PCDH15: variants seen among roughly 807,000 people sequenced by gnomAD.
The protein encoded by PCDH15 is protocadherin-15.
In PCDH15, 129 loss-of-function variants were observed where a neutral mutation model predicts 178.5. That is an observed-to-expected ratio of 0.72 (90% CI 0.63 to 0.84). The LOEUF is 0.84. PCDH15 is among the 40% of genes least tolerant of loss of function. PCDH15 has a pLI of 0.00. For missense variants in PCDH15, 2,230 were observed against 2,099.9 expected, an observed-to-expected ratio of 1.06 and a Z score of -1.21; for synonymous variants, 800 against 732.0, an observed-to-expected ratio of 1.09 and a Z score of -1.50.
chr10:55,440,955 C>A (rs1197708971), intron 2 of PCDH15, among the ~76,000 whole-genome samples: 1 of 152,122 alleles, frequency 6.6e-6, no homozygotes, highest in African/African-American at 2.4e-5. Flanking sequence ...ACCATGAGAA[C>A]AGTATAGGGC....
At chr10:54,981,012 T>C in intron 2 of PCDH15, among the ~76,000 whole-genome samples, 1 of 151,918 alleles carries the variant, frequency 6.6e-6, no homozygotes, top group East Asian at 1.9e-4. Context: ...CACTTTGAAA[T>C]GTGTTTCCAT....
chr10:54,444,492 T>A (rs1485227689), intron 3 of PCDH15, among the ~76,000 whole-genome samples: 2 of 151,732 alleles, frequency 1.3e-5, no homozygotes, highest in African/African-American at 2.4e-5. Flanking sequence ...CCATTATACA[T>A]TCCTTCAAAT....
At chr10:55,520,154 G>A (rs1476305679) in intron 2 of PCDH15, among the ~76,000 whole-genome samples, 6 of 77,974 alleles carry the variant, frequency 7.7e-5, no homozygotes, top group Non-Finnish European at 9.9e-5. Context: ...ATATATACAC[G>A]CAATGTGTAT....
At chr10:54,446,046 GT>G (rs1162930963) in intron 3 of PCDH15, among the ~76,000 whole-genome samples, 1 of 151,448 alleles carries the variant, frequency 6.6e-6, no homozygotes, top group Non-Finnish European at 1.5e-5. Flanking sequence ...CCATGACAAA[GT>G]AAAGGGCAGA....
intron 2 of PCDH15, among the ~76,000 whole-genome samples, chr10:55,489,638 G>A (rs1203613261): frequency 6.6e-6 from 1 of 151,546 alleles, no homozygotes; most frequent in Admixed American, 6.6e-5. Flanking sequence ...AGTTAACATC[G>A]AGTATTGCTG....
intron 2 of PCDH15, among the ~76,000 whole-genome samples, chr10:55,131,464 C>A (rs368329883): frequency 6.6e-6 from 1 of 152,148 alleles, no homozygotes; most frequent in African/African-American, 2.4e-5. Context: ...TGGTGAGTGG[C>A]GGTGGAGGTA....
At chr10:55,418,010 T>G (rs1419820033) in intron 2 of PCDH15, among the ~76,000 whole-genome samples, 1 of 151,634 alleles carries the variant, frequency 6.6e-6, no homozygotes, top group Non-Finnish European at 1.5e-5. Context: ...AAGCAAAAAA[T>G]GTCCAGTAGG....
chr10:53,902,693 C>T (rs2082407611), intron 26 of PCDH15, among the ~76,000 whole-genome samples: 1 of 151,878 alleles, frequency 6.6e-6, no homozygotes, highest in African/African-American at 2.4e-5. Flanking sequence ...AAATTGAAAA[C>T]TTACAACTTT....
intron 2 of PCDH15, among the ~76,000 whole-genome samples, chr10:54,597,566 C>T (rs761832128): frequency 2.0e-5 from 3 of 151,468 alleles, no homozygotes; most frequent in African/African-American, 7.3e-5. Flanking sequence ...ACAACAACAA[C>T]AACAAAATAA....
chr10:55,177,332 C>T (rs1186982197), intron 1 of PCDH15, among the ~76,000 whole-genome samples: 1 of 152,118 alleles, frequency 6.6e-6, no homozygotes, highest in Non-Finnish European at 1.5e-5. Flanking sequence ...GGGTCTTTGA[C>T]CAATTGAAAC....
intron 3 of PCDH15, among the ~76,000 whole-genome samples, chr10:54,405,352 C>T (rs1335064206): frequency 6.6e-6 from 1 of 151,908 alleles, no homozygotes; most frequent in African/African-American, 2.4e-5. Context: ...TACTATGCAG[C>T]CATATAAAGG....
At chr10:55,035,068 AATAG>A (rs1840700685) in intron 2 of PCDH15, among the ~76,000 whole-genome samples, 2 of 152,148 alleles carry the variant, frequency 1.3e-5, no homozygotes, top group African/African-American at 4.8e-5. Context: ...CTTTACATGA[AATAG>A]ATAGATACTA....
intron 1 of PCDH15, among the ~76,000 whole-genome samples, chr10:55,196,553 A>G (rs1248496389): frequency 1.3e-5 from 2 of 152,066 alleles, no homozygotes; most frequent in Non-Finnish European, 2.9e-5. Flanking sequence ...GGTACAATAT[A>G]AGGACATACA....
At chr10:54,685,726 T>C (rs2094985202) in intron 1 of PCDH15, among the ~76,000 whole-genome samples, 1 of 152,190 alleles carries the variant, frequency 6.6e-6, no homozygotes, top group Non-Finnish European at 1.5e-5. Flanking sequence ...ATAGCTTAGC[T>C]TAGCCTACCT....
intron 3 of PCDH15, among the ~76,000 whole-genome samples, chr10:54,883,594 A>G (rs1215105925): frequency 2.0e-5 from 3 of 151,932 alleles, no homozygotes; most frequent in African/African-American, 7.2e-5. Flanking sequence ...TATCTCACCA[A>G]TAAAAAATAC....
intron 18 of PCDH15, among the ~76,000 whole-genome samples, chr10:54,045,805 AG>A (rs1242875104): frequency 6.6e-6 from 1 of 152,130 alleles, no homozygotes; most frequent in Non-Finnish European, 1.5e-5. Context: ...CAAGGTCAAA[AG>A]AATAGTAACA....
chr10:55,145,536 A>G (rs1455280292), intron 2 of PCDH15, among the ~76,000 whole-genome samples: 3 of 151,896 alleles, frequency 2.0e-5, no homozygotes, highest in Admixed American at 2.0e-4. Flanking sequence ...TAATTGTAGG[A>G]GCTATAAACT....
At chr10:55,048,796 T>C (rs1314531332) in intron 2 of PCDH15, among the ~76,000 whole-genome samples, 1 of 151,926 alleles carries the variant, frequency 6.6e-6, no homozygotes, top group East Asian at 1.9e-4. Context: ...ATTATTTCAG[T>C]TTTTGGCACA....
chr10:53,840,400 T>G lies in PCDH15; in HGVS notation c.3903A>C (p.Glu1301Asp). 1 of 1,614,114 alleles carries G rather than the reference T, an allele frequency of 6.2e-7. No individual in the cohort carries two copies. Among genetic ancestry groups the G allele is most frequent in the Non-Finnish European group, 8.5e-7 (1 of 1,179,978 alleles). Residue 1301 changes from glutamate (E) to aspartate (D), a missense_variant, in exon 29 of 38, where the codon GAA (glutamate) becomes GAC (aspartate). Transcript: ENST00000644397. ...ARRHGDAFSL[E>D]DYTKCDLTVY... ...CAGTCAAGTCACATTTGGTGTAATC[T>G]TCTAGGGAAAAGGCATCTCCATGCC...
Sources: gnomAD v4.1 joint callset for allele counts (sites outside exome capture counted in the v4.1 genomes callset) on GRCh38, gnomAD v4.1.1 for gene constraint, MANE v1.5 for transcripts, NCBI Gene and HGNC (gene_info 2026-07-23, HGNC 2026-07-21) for gene names.